The following SIK3 variants were observed in gnomAD, a reference collection of about 807,000 sequenced individuals.
SIK3 encodes the protein SIK family kinase 3.
Under a neutral mutation model 144.2 loss-of-function variants are expected in SIK3, and 28 were observed. That is an observed-to-expected ratio of 0.19 (90% CI 0.14 to 0.27). The LOEUF (loss-of-function observed/expected upper bound fraction) is 0.27. SIK3 is among the 10% of genes least tolerant of loss of function. The pLI is 1.00. For synonymous variants in SIK3, 686 were observed against 676.3 expected (o/e 1.01, Z -0.22); for missense variants, 1,319 against 1,776.0 (o/e 0.74, Z 4.62).
Position 116,861,943 on chromosome 11 carries a change from G to A in SIK3, c.2230-17C>T. 1 of 1,563,462 alleles carries A rather than the reference G, an allele frequency of 6.4e-7. No individual in the cohort carries two copies. Among genetic ancestry groups the A allele is most frequent in the Non-Finnish European group, 8.7e-7 (1 of 1,143,276 alleles). On this transcript the variant is annotated splice_polypyrimidine_tract_variant and intron_variant, in intron 17 of 24. Transcript: ENST00000445177. ...GATAGAGTCCTAAAACATATATGGGGAAAGGAAAAAAATTATTGTGAGCTT... is the reference window on the plus strand; with the variant it reads ...GATAGAGTCCTAAAACATATATGGGAAAAGGAAAAAAATTATTGTGAGCTT...
chr11:116,868,096 C>A lies in SIK3; in HGVS notation c.1809-7G>T. On this transcript the variant is annotated splice_polypyrimidine_tract_variant and splice_region_variant and intron_variant, in intron 14 of 24. Coordinates refer to ENST00000445177, the MANE Select transcript of SIK3 (RefSeq NM_001366686.3). ...GGACCTATTTGCCAAGTACCTGCAA[C>A]AAGCAGGAGCACATTTCATAGTAAA... The A allele has an allele frequency of 6.4e-7, 1 of 1,550,580 alleles. No individual in the cohort carries two copies. Among genetic ancestry groups the A allele is most frequent in the Non-Finnish European group, 8.7e-7 (1 of 1,146,962 alleles).
chr11:116,876,612 A>ATTGAGC (rs1420867062), intron 7 of SIK3, among the ~76,000 whole-genome samples: 1 of 152,214 alleles, frequency 6.6e-6, no homozygotes. Context: ...AAGCCACTGA[A>ATTGAGC]TTGAGCACAC....
chr11:117,026,236 T>C (rs1952003038), intron 1 of SIK3, among the ~76,000 whole-genome samples: 1 of 152,140 alleles, frequency 6.6e-6, no homozygotes, highest in Non-Finnish European at 1.5e-5. Context: ...GTTAGGAAAA[T>C]GCTGTATAGG....
chr11:117,041,836 C>T (rs1336738607), intron 1 of SIK3, among the ~76,000 whole-genome samples: 1 of 152,154 alleles, frequency 6.6e-6, no homozygotes, highest in Non-Finnish European at 1.5e-5. Context: ...TCCAAAGATG[C>T]CCTAAGGATT....
At chr11:116,978,023 C>T (rs1026830541) in intron 1 of SIK3, among the ~76,000 whole-genome samples, 2 of 152,170 alleles carry the variant, frequency 1.3e-5, no homozygotes, top group Admixed American at 6.5e-5. Context: ...TCGAGACCGT[C>T]CTGGCTAACA....
At chr11:116,909,958 C>T (rs989569240) in intron 4 of SIK3, among the ~76,000 whole-genome samples, 1 of 152,026 alleles carries the variant, frequency 6.6e-6, no homozygotes, top group Admixed American at 6.6e-5. Flanking sequence ...AGAATATATA[C>T]AATGATGAAG....
intron 1 of SIK3, among the ~76,000 whole-genome samples, chr11:117,088,715 T>G (rs1955121199): frequency 6.6e-6 from 1 of 152,192 alleles, no homozygotes; most frequent in South Asian, 2.1e-4. Flanking sequence ...CTGGCTCTGT[T>G]GCCCAGGCTG....
At chr11:116,854,498 A>G (rs1331947147) in intron 21 of SIK3, among the ~76,000 whole-genome samples, 3 of 152,242 alleles carry the variant, frequency 2.0e-5, no homozygotes, top group African/African-American at 7.2e-5. Context: ...AAAGCTGTTT[A>G]TGAGCTTGTT....
intron 6 of SIK3, among the ~76,000 whole-genome samples, chr11:116,881,674 T>C (rs933301391): frequency 6.6e-6 from 1 of 151,968 alleles, no homozygotes; most frequent in Non-Finnish European, 1.5e-5. Flanking sequence ...CCCTTTGGCA[T>C]ACCAAGAGAG....
intron 1 of SIK3, among the ~76,000 whole-genome samples, chr11:117,031,396 G>T (rs983529209): frequency 6.8e-6 from 1 of 147,674 alleles, no homozygotes; most frequent in Non-Finnish European, 1.5e-5. Flanking sequence ...TAGCTGTCCA[G>T]TTGCTCCAGC....
At chr11:117,073,952 G>A (rs996213570) in intron 1 of SIK3, among the ~76,000 whole-genome samples, 1 of 152,174 alleles carries the variant, frequency 6.6e-6, no homozygotes, top group Non-Finnish European at 1.5e-5. Flanking sequence ...GTCTTGCTCT[G>A]TTGCCAAGGC....
At chr11:117,070,054 C>T (rs946941908) in intron 1 of SIK3, among the ~76,000 whole-genome samples, 4 of 152,162 alleles carry the variant, frequency 2.6e-5, no homozygotes, top group African/African-American at 9.7e-5. Context: ...CAACATGCTA[C>T]TAAGAGATCA....
In SIK3 at chr11:116,859,384, G is replaced by A; in HGVS notation, c.2646C>T (p.Ser882=). The change falls in exon 20 of 25, where the codon TCC becomes TCT. Residue 882 remains serine, a synonymous_variant. Coordinates refer to ENST00000445177, the MANE Select transcript of SIK3 (RefSeq NM_001366686.3). ...TAAGSSGRGI[S]ISPSAGQMQM... ...GCATCTGACCAGCACTGGGGCTGAT[G>A]GAGATGCCGCGCCCACTGGAGCCTG... The A allele has an allele frequency of 6.2e-7, 1 of 1,614,226 alleles. No individual in the cohort carries two copies. The highest frequency in any genetic ancestry group is 8.5e-7 in the Non-Finnish European group (1 of 1,180,046).
intron 13 of SIK3, among the ~76,000 whole-genome samples, chr11:116,872,509 T>G (rs927993324): frequency 1.3e-5 from 2 of 152,252 alleles, no homozygotes; most frequent in African/African-American, 4.8e-5. Context: ...CTTTCATTAC[T>G]GAAAGTGTGG....
At chr11:117,014,823 G>C (rs1279868973) in intron 1 of SIK3, among the ~76,000 whole-genome samples, 1 of 152,164 alleles carries the variant, frequency 6.6e-6, no homozygotes, top group African/African-American at 2.4e-5. Context: ...TCTCACTTTA[G>C]GAGGCCGAGG....
rs749654724 is a variant in SIK3, at chr11:116,952,722, G to GATTT, written c.454+1318_454+1321dup. The stretch of plus-strand genomic sequence containing the variant: ...ATTCTCATCTTCAAAGTAATATGTT[G>GATTT]ATTTCCCTGTCTGTTTTCCACCAGA... On this transcript the variant is annotated intron_variant, in intron 3 of 24. Transcript: ENST00000445177. Among the ~76,000 whole-genome samples the GATTT allele has an allele frequency of 8.5e-5, 13 of 152,084 alleles. 1 individual carries two copies. Among genetic ancestry groups the GATTT allele is most frequent in the Non-Finnish European group, 1.8e-4 (12 of 68,016 alleles).
chr11:117,081,724 C>G (rs191553812), intron 1 of SIK3, among the ~76,000 whole-genome samples: 3 of 152,268 alleles, frequency 2.0e-5, no homozygotes, highest in Non-Finnish European at 4.4e-5. Context: ...AGAATGAGCA[C>G]AGAGGAAAAT....
At chr11:117,016,394 G>GGCAAGGAAGGAA (rs1555128247) in intron 1 of SIK3, among the ~76,000 whole-genome samples, 1 of 59,280 alleles carries the variant, frequency 1.7e-5, no homozygotes, top group Non-Finnish European at 3.1e-5. Flanking sequence ...GAGGGAGGGA[G>GGCAAGGAAGGAA]GGAAGGAAGG....
chr11:117,076,304 A>G (rs1004893847), intron 1 of SIK3, among the ~76,000 whole-genome samples: 2 of 152,064 alleles, frequency 1.3e-5, no homozygotes, highest in South Asian at 2.1e-4. Context: ...CCTCTTAATC[A>G]CTCAAGATTC....
Sources: allele counts gnomAD v4.1 joint callset (sites outside exome capture counted in the v4.1 genomes callset), GRCh38; gene constraint gnomAD v4.1.1; transcripts MANE v1.5; gene names NCBI Gene and HGNC (gene_info 2026-07-23, HGNC 2026-07-21).